Variants in MARCHF1 observed in about 807,000 individuals in gnomAD.
MARCHF1 encodes E3 ubiquitin-protein ligase MARCHF1.
In MARCHF1, 40 loss-of-function variants were observed where a neutral mutation model predicts 54.2. The ratio of observed to expected loss-of-function variants is 0.74; its 90% CI spans 0.57 to 0.96. The LOEUF (loss-of-function observed/expected upper bound fraction) is 0.96. Ranked by LOEUF, MARCHF1 falls within the 40% of genes least tolerant of loss-of-function variation. MARCHF1 has a pLI of 0.00. For synonymous variants in MARCHF1, 236 were observed against 236.3 expected, an observed-to-expected ratio of 1.00 and a Z score of 0.01; for missense variants, 586 against 656.5, an observed-to-expected ratio of 0.89 and a Z score of 1.17.
chr4:163,680,330 G>A (rs1744063213), intron 5 of MARCHF1, among the ~76,000 whole-genome samples: 1 of 152,196 alleles, frequency 6.6e-6, no homozygotes, highest in Non-Finnish European at 1.5e-5. Context: ...AGCCTTTTGA[G>A]ATACCACAGT....
At chr4:164,366,860 G>A (rs1003555609) in intron 1 of MARCHF1, among the ~76,000 whole-genome samples, 1 of 151,756 alleles carries the variant, frequency 6.6e-6, no homozygotes, top group Non-Finnish European at 1.5e-5. Flanking sequence ...ATTTCTAAGT[G>A]TTTCAGAACA....
At chr4:163,562,052 T>G (rs892437365) in intron 8 of MARCHF1, among the ~76,000 whole-genome samples, 4 of 152,074 alleles carry the variant, frequency 2.6e-5, no homozygotes, top group Non-Finnish European at 5.9e-5. Context: ...ATTCCAGCAC[T>G]TTGGGAGGCC....
intron 5 of MARCHF1, among the ~76,000 whole-genome samples, chr4:163,685,647 C>T (rs1436802286): frequency 1.3e-5 from 2 of 151,944 alleles, no homozygotes; most frequent in Non-Finnish European, 2.9e-5. Flanking sequence ...AGAGATGGGG[C>T]TTTACCATGT....
At chr4:164,198,594 A>G (rs1173473689) in intron 1 of MARCHF1, among the ~76,000 whole-genome samples, 1 of 152,240 alleles carries the variant, frequency 6.6e-6, no homozygotes, top group Non-Finnish European at 1.5e-5. Context: ...AGGCTATGGG[A>G]TTTGTGGAAA....
intron 1 of MARCHF1, among the ~76,000 whole-genome samples, chr4:164,286,069 C>T (rs1392920737): frequency 2.6e-5 from 4 of 152,044 alleles, no homozygotes; most frequent in Non-Finnish European, 4.4e-5. Context: ...ATAAAGAAAA[C>T]ACTCCATAAA....
chr4:163,665,300 G>A (rs1743493866), intron 5 of MARCHF1, among the ~76,000 whole-genome samples: 1 of 152,074 alleles, frequency 6.6e-6, no homozygotes, highest in African/African-American at 2.4e-5. Flanking sequence ...GTTCTTTCAA[G>A]GATATGATTG....
intron 5 of MARCHF1, among the ~76,000 whole-genome samples, chr4:163,674,023 G>A (rs192616764): frequency 6.6e-6 from 1 of 152,284 alleles, no homozygotes; most frequent in African/African-American, 2.4e-5. Flanking sequence ...TTGAACTGGT[G>A]AATCTGATAG....
At chr4:163,738,058 A>G (rs1746098086) in intron 4 of MARCHF1, among the ~76,000 whole-genome samples, 1 of 152,172 alleles carries the variant, frequency 6.6e-6, no homozygotes, top group Non-Finnish European at 1.5e-5. Flanking sequence ...TGAAGAGGAC[A>G]TGGTAGGGTT....
chr4:163,602,720 A>C (rs1182488466), intron 7 of MARCHF1, among the ~76,000 whole-genome samples: 3 of 152,126 alleles, frequency 2.0e-5, no homozygotes, highest in Non-Finnish European at 4.4e-5. Flanking sequence ...TGGTTAGTGT[A>C]ATCTTTCTCA....
intron 8 of MARCHF1, among the ~76,000 whole-genome samples, chr4:163,553,448 G>A (rs771457739): frequency 6.6e-6 from 1 of 152,048 alleles, no homozygotes; most frequent in Non-Finnish European, 1.5e-5. Flanking sequence ...TATGTTTTTC[G>A]GAATACTGAG....
At chr4:163,888,213 C>A (rs1310259723) in intron 3 of MARCHF1, among the ~76,000 whole-genome samples, 1 of 151,944 alleles carries the variant, frequency 6.6e-6, no homozygotes, top group African/African-American at 2.4e-5. Flanking sequence ...AACATATACA[C>A]CATGGAGTAA....
intron 4 of MARCHF1, among the ~76,000 whole-genome samples, chr4:163,805,953 G>C (rs1455045581): frequency 6.6e-6 from 1 of 152,110 alleles, no homozygotes; most frequent in African/African-American, 2.4e-5. Context: ...ATTCTCCAGA[G>C]ATCTTAATTC....
At chr4:164,352,741 G>T (rs1255994832) in intron 1 of MARCHF1, among the ~76,000 whole-genome samples, 1 of 142,666 alleles carries the variant, frequency 7.0e-6, no homozygotes, top group Non-Finnish European at 1.5e-5. Flanking sequence ...ATAATGACAG[G>T]ATCAAATTCA....
chr4:164,304,824 A>G (rs549099222), intron 1 of MARCHF1, among the ~76,000 whole-genome samples: 2 of 152,310 alleles, frequency 1.3e-5, no homozygotes, highest in African/African-American at 4.8e-5. Context: ...TTTTCACTAC[A>G]GAGTCCACAG....
intron 2 of MARCHF1, among the ~76,000 whole-genome samples, chr4:164,088,804 T>G (rs916453362): frequency 2.0e-5 from 3 of 151,972 alleles, no homozygotes; most frequent in Non-Finnish European, 1.5e-5. Context: ...AAAAGACAAC[T>G]TAATAAGATA....
intron 1 of MARCHF1, among the ~76,000 whole-genome samples, chr4:164,369,763 A>G (rs1260382558): frequency 6.6e-6 from 1 of 152,204 alleles, no homozygotes; most frequent in Non-Finnish European, 1.5e-5. Flanking sequence ...TATTTAAAGC[A>G]TGTCTTTCAA....
intron 1 of MARCHF1, among the ~76,000 whole-genome samples, chr4:164,215,911 A>G (rs778073071): frequency 4.6e-5 from 7 of 152,248 alleles, no homozygotes; most frequent in Non-Finnish European, 1.0e-4. Flanking sequence ...TATTTTATTT[A>G]AAAAGATAAA....
At chr4:163,838,797 C>G (rs1037523348) in intron 4 of MARCHF1, among the ~76,000 whole-genome samples, 1 of 151,988 alleles carries the variant, frequency 6.6e-6, no homozygotes, top group Non-Finnish European at 1.5e-5. Flanking sequence ...CACTACAAAA[C>G]TCTTATAGGA....
intron 2 of MARCHF1, among the ~76,000 whole-genome samples, chr4:164,092,477 A>G (rs1216443866): frequency 6.6e-6 from 1 of 152,228 alleles, no homozygotes; most frequent in East Asian, 1.9e-4. Context: ...GTTGGAGTGA[A>G]GTTCAACGGG....
Sources: allele counts gnomAD v4.1 joint callset (sites outside exome capture counted in the v4.1 genomes callset), GRCh38; gene constraint gnomAD v4.1.1; transcripts MANE v1.5; gene names NCBI Gene and HGNC (gene_info 2026-07-23, HGNC 2026-07-21).